Variants in GPM6A observed in about 807,000 individuals in gnomAD.
GPM6A encodes the protein neuronal membrane glycoprotein M6-a.
GPM6A carries 7 observed loss-of-function variants against 32.1 expected under a neutral mutation model. That is an observed-to-expected ratio of 0.22 (90% CI 0.12 to 0.41). GPM6A has a LOEUF of 0.41. Among genes scored for constraint, GPM6A ranks in the 10% least tolerant of loss-of-function variants. The probability of loss-of-function intolerance (pLI) is 1.00; values close to 1 mark genes in which losing one functional copy is unlikely to be tolerated. For missense variants in GPM6A, 235 were observed against 347.2 expected, an observed-to-expected ratio of 0.68 and a Z score of 2.57; for synonymous variants, 130 against 123.4, an observed-to-expected ratio of 1.05 and a Z score of -0.35.
chr4:175,975,227 GACTA>G (rs1337851893), intron 1 of GPM6A, among the ~76,000 whole-genome samples: 1 of 152,176 alleles, frequency 6.6e-6, no homozygotes, highest in Non-Finnish European at 1.5e-5. Flanking sequence ...CCCTTGGAAA[GACTA>G]ACTAAAGTTC....
At chr4:175,914,806 A>C (rs1265606429) in intron 1 of GPM6A, among the ~76,000 whole-genome samples, 2 of 152,114 alleles carry the variant, frequency 1.3e-5, no homozygotes, top group Non-Finnish European at 2.9e-5. Flanking sequence ...ACAAAAGGAA[A>C]GGTAGTTTTT....
intron 1 of GPM6A, among the ~76,000 whole-genome samples, chr4:175,953,907 A>T (rs866137778): frequency 1.3e-5 from 2 of 152,184 alleles, no homozygotes; most frequent in Non-Finnish European, 2.9e-5. Flanking sequence ...ATCAAAAAAT[A>T]AAATAAAATA....
In GPM6A at chr4:175,924,209, T is replaced by C. The variant is rs530862634; in HGVS notation, c.-23+78100A>G. On this transcript the variant is annotated intron_variant, in intron 1 of 7. Coordinates refer to the GPM6A transcript ENST00000280187. Reference sequence around the variant, plus strand: ...TTAAATCTAAAGGTTAGCAGTGACCTGTCTTTATTGCTGACGTTCGCCAAA... The same window carrying C: ...TTAAATCTAAAGGTTAGCAGTGACCCGTCTTTATTGCTGACGTTCGCCAAA... 3.3e-5 allele frequency among the ~76,000 whole-genome samples: 5 copies of C among 152,334 alleles called. No homozygotes were observed. In the East Asian group the frequency reaches 9.6e-4, roughly 29 times the overall value.
intron 1 of GPM6A, among the ~76,000 whole-genome samples, chr4:175,838,112 G>GACACACACACACACACAC (rs10548625): frequency 4.9e-5 from 7 of 141,864 alleles, no homozygotes; most frequent in African/African-American, 1.8e-4. Context: ...CACACACACA[G>GACACACACACACACACAC]ACACACACAC....
chr4:175,906,310 C>G (rs1459736408), intron 1 of GPM6A, among the ~76,000 whole-genome samples: 1 of 152,070 alleles, frequency 6.6e-6, no homozygotes, highest in East Asian at 1.9e-4. Flanking sequence ...TTCATGATGT[C>G]AAGGGGAGGG....
intron 1 of GPM6A, among the ~76,000 whole-genome samples, chr4:175,803,462 T>G (rs549850506): frequency 1.3e-5 from 2 of 152,266 alleles, no homozygotes; most frequent in Admixed American, 1.3e-4. Flanking sequence ...CCTTTTTAAA[T>G]GGGCACAGTG....
intron 1 of GPM6A, among the ~76,000 whole-genome samples, chr4:175,877,529 G>C (rs1203946193): frequency 6.6e-6 from 1 of 152,102 alleles, no homozygotes; most frequent in Non-Finnish European, 1.5e-5. Context: ...AGGGCAGCAG[G>C]AGAGAGAATT....
chr4:175,936,587 A>G (rs191188089), intron 1 of GPM6A, among the ~76,000 whole-genome samples: 21 of 152,236 alleles, frequency 1.4e-4, no homozygotes, highest in Admixed American at 5.2e-4. Flanking sequence ...ATGTTAAAGC[A>G]CACTTAAGAG....
chr4:175,949,954 G>A (rs1739750108), intron 1 of GPM6A, among the ~76,000 whole-genome samples: 1 of 152,146 alleles, frequency 6.6e-6, no homozygotes, highest in African/African-American at 2.4e-5. Context: ...ACAAGTTCAT[G>A]AGTGAAGAAA....
chr4:175,702,272 C>A (rs1223504020), intron 1 of GPM6A, among the ~76,000 whole-genome samples: 3 of 152,102 alleles, frequency 2.0e-5, no homozygotes, highest in Non-Finnish European at 1.5e-5. Flanking sequence ...AGGATAAAAT[C>A]GGGGTAATTG....
At chr4:175,658,217 C>T (rs75339750) in intron 3 of GPM6A, among the ~76,000 whole-genome samples, 1,634 of 150,626 alleles carry the variant, frequency 0.011, 8 homozygotes, top group Middle Eastern at 0.017. Flanking sequence ...TCTAGATAAA[C>T]GATGGTATAT....
At chr4:175,894,200 C>T (rs370283783) in intron 1 of GPM6A, among the ~76,000 whole-genome samples, 1 of 151,936 alleles carries the variant, frequency 6.6e-6, no homozygotes, top group Admixed American at 6.6e-5. Context: ...AGACCGTCCT[C>T]ATGTTAGAAT....
At chr4:175,991,082 T>A (rs559018489) in intron 1 of GPM6A, among the ~76,000 whole-genome samples, 439 of 151,748 alleles carry the variant, frequency 2.9e-3, no homozygotes, top group African/African-American at 9.8e-3. Context: ...TTTCTTTTTT[T>A]TTTTTTTGAC....
chr4:175,669,273 T>C (rs1742921360), intron 3 of GPM6A, among the ~76,000 whole-genome samples: 1 of 152,288 alleles, frequency 6.6e-6, no homozygotes, highest in South Asian at 2.1e-4. Context: ...AAAATACTAA[T>C]CTAATATGCT....
chr4:175,927,688 G>A (rs1004008178), intron 1 of GPM6A, among the ~76,000 whole-genome samples: 7 of 152,144 alleles, frequency 4.6e-5, no homozygotes, highest in Admixed American at 3.3e-4. Flanking sequence ...CGCTCGAGAC[G>A]AGCCTGGACA....
chr4:175,759,463 T>C (rs1196432709), intron 1 of GPM6A, among the ~76,000 whole-genome samples: 2 of 152,224 alleles, frequency 1.3e-5, no homozygotes, highest in African/African-American at 4.8e-5. Flanking sequence ...TAAATAATTT[T>C]TGTTATGAAT....
At chr4:175,709,727 C>CAA (rs559363193) in intron 1 of GPM6A, among the ~76,000 whole-genome samples, 155 of 68,476 alleles carry the variant, frequency 2.3e-3, no homozygotes, top group East Asian at 7.3e-3. Flanking sequence ...GACTCCATCT[C>CAA]AAAAAAAAAA....
At chr4:175,773,995 T>C (rs1458352575) in intron 1 of GPM6A, among the ~76,000 whole-genome samples, 1 of 152,144 alleles carries the variant, frequency 6.6e-6, no homozygotes, top group Non-Finnish European at 1.5e-5. Context: ...TTAATCAACA[T>C]ATCAAATTCA....
At chr4:175,926,745 A>C (rs1560997103) in intron 1 of GPM6A, among the ~76,000 whole-genome samples, 1 of 152,212 alleles carries the variant, frequency 6.6e-6, no homozygotes, top group Non-Finnish European at 1.5e-5. Context: ...GAACCTCAAC[A>C]TGTAGAAAGT....
Sources: allele counts gnomAD v4.1 joint callset (sites outside exome capture counted in the v4.1 genomes callset), GRCh38; gene constraint gnomAD v4.1.1; transcripts MANE v1.5; gene names NCBI Gene and HGNC (gene_info 2026-07-23, HGNC 2026-07-21).